Variants in SART3 observed in about 807,000 individuals in gnomAD.
The protein encoded by SART3 is spliceosome associated factor 3, U4/U6 recycling protein, also known as HIV-1 Tat-interacting protein of 110kDa.
SART3 carries 44 observed loss-of-function variants against 122.3 expected under a neutral mutation model. That is an observed-to-expected ratio of 0.36 (90% CI 0.28 to 0.46). The LOEUF is 0.46. SART3 is among the 20% of genes least tolerant of loss of function. The pLI, the probability that SART3 is intolerant of heterozygous loss-of-function variation, is 1.00. For missense variants in SART3, 1,101 were observed against 1,229.0 expected, an observed-to-expected ratio of 0.90 and a Z score of 1.56; for synonymous variants, 442 against 454.0, an observed-to-expected ratio of 0.97 and a Z score of 0.34.
chr12:108,559,942 T>A (rs1285168196), intron 1 of SART3, among the ~76,000 whole-genome samples: 1 of 152,106 alleles, frequency 6.6e-6, no homozygotes, highest in African/African-American at 2.4e-5. Flanking sequence ...TATCAGCAGG[T>A]CTCAGGTGCC....
At chr12:108,553,232 G>A (rs980283268) in intron 1 of SART3, among the ~76,000 whole-genome samples, 26 of 152,116 alleles carry the variant, frequency 1.7e-4, no homozygotes, top group Admixed American at 1.3e-3. Context: ...CAAAATGTTA[G>A]GACAAGAGAA....
chr12:108,528,414 C>T (rs192776983), intron 15 of SART3, among the ~76,000 whole-genome samples: 2 of 143,366 alleles, frequency 1.4e-5, no homozygotes, highest in South Asian at 2.2e-4. Context: ...ACCCAGGAGG[C>T]GGAGGTTGCA....
chr12:108,539,258 T>A (rs1873052418), intron 6 of SART3, among the ~76,000 whole-genome samples, 169 bp from the exon 7 acceptor site: 1 of 151,928 alleles, frequency 6.6e-6, no homozygotes, highest in Admixed American at 6.6e-5. Context: ...AAAACAAGAG[T>A]CTTCTCATCT....
At chr12:108,533,346 C>T (rs914276739) in intron 12 of SART3, among the ~76,000 whole-genome samples, 4 of 144,988 alleles carry the variant, frequency 2.8e-5, no homozygotes, top group Non-Finnish European at 6.0e-5. Flanking sequence ...ATACTAAGTA[C>T]ACTTAAAGCC....
At chr12:108,527,139 A>G (rs1872423172) in intron 15 of SART3, among the ~76,000 whole-genome samples, 2 of 152,182 alleles carry the variant, frequency 1.3e-5, no homozygotes, top group Admixed American at 1.3e-4. Flanking sequence ...AGACCTCCCC[A>G]TCAGTTCACC....
At chr12:108,542,620 GA>G (rs1400391971) in intron 6 of SART3, 1 of 326,246 alleles carries the variant, frequency 3.1e-6, no homozygotes, top group African/African-American at 2.2e-5. Context: ...CATGTTCAAT[GA>G]AAATAAAATA....
At chr12:108,556,203 C>G (rs1274248477) in intron 1 of SART3, among the ~76,000 whole-genome samples, 1 of 152,038 alleles carries the variant, frequency 6.6e-6, no homozygotes, top group African/African-American at 2.4e-5. Context: ...GTGATCCTCC[C>G]GCCTCAGCCT....
At chr12:108,558,925 C>T (rs1366664106) in intron 1 of SART3, among the ~76,000 whole-genome samples, 1 of 145,060 alleles carries the variant, frequency 6.9e-6, no homozygotes, top group Admixed American at 7.1e-5. Flanking sequence ...CCCAGCTACT[C>T]GGGGGGCTGA....
Position 108,538,062 on chromosome 12 carries a change from C to T in SART3, c.1201+3G>A, listed in dbSNP as rs1312787161. On this transcript the variant is annotated splice_donor_region_variant and intron_variant, in intron 8 of 18. Coordinates refer to ENST00000546815, the MANE Select transcript of SART3 (RefSeq NM_014706.4). ...AGAAGTTCTCCCACAAAAACATCCGCACCAGAAATTACTTGATGATCAACT... is the reference window on the plus strand; with the variant it reads ...AGAAGTTCTCCCACAAAAACATCCGTACCAGAAATTACTTGATGATCAACT... 5.0e-6 allele frequency: 8 copies of T among 1,614,032 alleles called. No homozygotes were observed. The highest frequency in any genetic ancestry group is 4.4e-5 in the South Asian group (4 of 91,088).
rs1872969579 is a variant in SART3, at chr12:108,537,537, A to C, written c.1260T>G (p.Ile420Met). The change falls in exon 9 of 19, where the codon ATT (isoleucine) becomes ATG (methionine). Residue 420 changes from isoleucine (I) to methionine (M), a missense_variant. Ile to Met is a conservative substitution (Grantham distance 10). Transcript: ENST00000546815. ...GFIQATDYVE[I>M]WQAYLDYLRR... ...TCAGGTAATCAAGGTATGCCTGCCA[A>C]ATCTCCACATAATCAGTGGCCTGGA... 2.5e-6 allele frequency: 4 copies of C among 1,614,040 alleles called. No individual in the cohort carries two copies. Among genetic ancestry groups the C allele is most frequent in the Non-Finnish European group, 3.4e-6 (4 of 1,179,996 alleles).
intron 1 of SART3, among the ~76,000 whole-genome samples, chr12:108,558,246 G>C (rs1169577939): frequency 6.6e-6 from 1 of 152,194 alleles, no homozygotes; most frequent in African/African-American, 2.4e-5. Flanking sequence ...GACCTATTTG[G>C]AAGCAATTCA....
chr12:108,540,778 G>A lies in SART3; in HGVS notation c.907-1689C>T, dbSNP rs569585839. 4.1e-4 allele frequency among the ~76,000 whole-genome samples: 62 copies of A among 152,136 alleles called. No individual in the cohort carries two copies. The South Asian group carries it at 0.013, about 31-fold the overall frequency. On this transcript the variant is annotated intron_variant, in intron 6 of 18. Transcript: ENST00000546815. ...CCAGTGGGACAGAACAGAAAATCCA[G>A]AAGAAAGACCCACACATAAATGGAC...
rs1873240365 is a variant in SART3 at position 108,543,067 on chromosome 12, T to C, written c.867A>G (p.Leu289=). 3.1e-6 allele frequency: 5 copies of C among 1,614,126 alleles called. No individual in the cohort carries two copies. Among genetic ancestry groups the C allele is most frequent in the South Asian group, 1.1e-5 (1 of 91,092 alleles). Residue 289 remains leucine, a synonymous_variant, in exon 6 of 19, where the codon CTA becomes CTG. Coordinates refer to ENST00000546815, the MANE Select transcript of SART3 (RefSeq NM_014706.4). ...ESVIQNYNKA[L]QQLEKYKPYE... is the part of the protein sequence containing the mutation. ...AGGGTTTATATTTCTCCAGCTGCTGTAGTGCTTTGTTATAGTTCTGAATTA... is the reference window on the plus strand; with the variant it reads ...AGGGTTTATATTTCTCCAGCTGCTGCAGTGCTTTGTTATAGTTCTGAATTA...
intron 6 of SART3, among the ~76,000 whole-genome samples, chr12:108,541,616 G>C (rs1348773108): frequency 4.6e-5 from 7 of 151,910 alleles, no homozygotes; most frequent in Admixed American, 3.9e-4. Flanking sequence ...TCGGCTCACA[G>C]CAACCTCCAC....
chr12:108,544,095 G>C (rs893578396), intron 5 of SART3, among the ~76,000 whole-genome samples: 5 of 152,188 alleles, frequency 3.3e-5, no homozygotes, highest in South Asian at 4.1e-4. Context: ...GTTCAATGAA[G>C]TTTCCCCAAA....
chr12:108,536,611 G>C (rs745871725), intron 10 of SART3, 39 bp from the exon 11 acceptor site: 13 of 1,612,224 alleles, frequency 8.1e-6, no homozygotes, highest in Non-Finnish European at 1.1e-5. Flanking sequence ...AAGGAACTTG[G>C]AGACAGATAG....
intron 18 of SART3, chr12:108,523,981 GC>G (rs1593230258): frequency 1.8e-6 from 1 of 548,070 alleles, no homozygotes; most frequent in Non-Finnish European, 3.3e-6. Flanking sequence ...CATAGCTAGG[GC>G]CGTAGACTGG....
At position 108,553,833 on chromosome 12, in the gene SART3, T is replaced by C. The variant is rs367822675; in HGVS notation, c.313-4619A>G. 5.3e-5 allele frequency among the ~76,000 whole-genome samples: 8 copies of C among 152,342 alleles called. No homozygotes were observed. The East Asian group carries it at 1.3e-3, about 26-fold the overall frequency. On this transcript the variant is annotated intron_variant, in intron 1 of 18. Coordinates refer to ENST00000546815, the MANE Select transcript of SART3 (RefSeq NM_014706.4). ...GATTTTAAACAAGAACTCATTATCT[T>C]TCTCTACTAATTATAATAGTAAAAC...
chr12:108,549,034 A>T, intron 2 of SART3, 54 bp downstream of exon 2: 1 of 1,613,326 alleles, frequency 6.2e-7, no homozygotes, highest in Non-Finnish European at 8.5e-7. Context: ...ACATTGTAAA[A>T]AATGTGCAAG....
Sources: allele counts gnomAD v4.1 joint callset (sites outside exome capture counted in the v4.1 genomes callset), GRCh38; gene constraint gnomAD v4.1.1; transcripts MANE v1.5; gene names NCBI Gene and HGNC (gene_info 2026-07-23, HGNC 2026-07-21).